PYROXD1: variants seen among roughly 807,000 people sequenced by gnomAD.
PYROXD1 encodes the protein tRNA ligase complex-associated NAD(P)H dehydrogenase PYROXD1.
A neutral mutation model predicts 62.0 loss-of-function variants in PYROXD1; 42 were observed. The observed-to-expected ratio is 0.68, with a 90% confidence interval of 0.53 to 0.88. The LOEUF is 0.88. Ranked by LOEUF, PYROXD1 falls within the 40% of genes least tolerant of loss-of-function variation. The probability of loss-of-function intolerance (pLI) is 0.00; values close to 1 mark genes in which losing one functional copy is unlikely to be tolerated. For synonymous variants in PYROXD1, 170 were observed against 206.4 expected (o/e 0.82, Z 1.51); for missense variants, 493 against 604.8 (o/e 0.82, Z 1.94).
Position 21,445,393 on chromosome 12 carries a change from C to T in PYROXD1, c.212C>T (p.Thr71Ile), listed in dbSNP as rs369201623. The change falls in exon 3 of 12, where the codon ACC (threonine) becomes ATC (isoleucine). Residue 71 changes from threonine to isoleucine, a missense_variant. Physicochemically the swap from Thr to Ile is moderately conservative, Grantham distance 89 (BLOSUM62 -1). Around this residue, in one of 2 missense-constraint regions of PYROXD1, gnomAD observed 164 missense variants for 158.2 expected, o/e 1.04. Coordinates refer to ENST00000240651, the MANE Select transcript of PYROXD1 (RefSeq NM_024854.5). ...EEFDVEEQSS[T>I]MLGKRFPNIK... ...TTCGATGTTGAAGAACAATCAAGTA[C>T]CATGTTAGGAAAACGCTTTCCCAAC... 8 of 1,609,758 alleles carry T rather than the reference C, an allele frequency of 5.0e-6. No homozygotes were observed. Among genetic ancestry groups the T allele is most frequent in the African/African-American group, 1.3e-5 (1 of 74,926 alleles).
chr12:21,446,487 G>A (rs758793906), intron 3 of PYROXD1, among the ~76,000 whole-genome samples: 3 of 150,472 alleles, frequency 2.0e-5, no homozygotes, highest in Non-Finnish European at 4.4e-5. Flanking sequence ...GATTTTAAGA[G>A]CTGGGGCATC....
chr12:21,453,916 A>G (rs1942548174), intron 5 of PYROXD1, among the ~76,000 whole-genome samples: 1 of 152,076 alleles, frequency 6.6e-6, no homozygotes. Flanking sequence ...GTAAATTGAA[A>G]TACAAACTTT....
chr12:21,457,680 C>A (rs1242900971), intron 7 of PYROXD1, among the ~76,000 whole-genome samples: 1 of 152,074 alleles, frequency 6.6e-6, no homozygotes, highest in African/African-American at 2.4e-5. Context: ...GCACTTCTTA[C>A]ATGGCCAGAG....
At chr12:21,438,103 T>C (rs1445299857) in intron 1 of PYROXD1, 3 of 394,612 alleles carry the variant, frequency 7.6e-6, no homozygotes, top group Non-Finnish European at 1.4e-5. Context: ...ATGAGGACTT[T>C]GTATTTAGAC....
intron 7 of PYROXD1, 131 bp downstream of exon 7, chr12:21,456,226 GA>G: frequency 1.7e-6 from 1 of 602,668 alleles, no homozygotes; most frequent in South Asian, 2.3e-5. Context: ...ATAGTGTTAG[GA>G]AAAGACCTCC....
chr12:21,456,984 G>A (rs1252957841), intron 7 of PYROXD1: 11 of 394,340 alleles, frequency 2.8e-5, no homozygotes, highest in Non-Finnish European at 4.0e-5. Context: ...CAGCAATGTA[G>A]TCTCATCTTC....
chr12:21,446,511 ATT>A (rs35292792), intron 3 of PYROXD1, among the ~76,000 whole-genome samples: 92 of 147,686 alleles, frequency 6.2e-4, no homozygotes, highest in Admixed American at 1.1e-3. Flanking sequence ...GATAAAATAG[ATT>A]TTTTTTTTTT....
chr12:21,463,086 G>A (rs1399523698), intron 10 of PYROXD1, among the ~76,000 whole-genome samples: 4 of 152,032 alleles, frequency 2.6e-5, no homozygotes, highest in African/African-American at 9.6e-5. Flanking sequence ...AAGAAATTAT[G>A]GGCTATTACT....
chr12:21,445,127 A>G (rs1174245563), intron 2 of PYROXD1, among the ~76,000 whole-genome samples: 2 of 152,218 alleles, frequency 1.3e-5, no homozygotes, highest in Non-Finnish European at 2.9e-5. Flanking sequence ...CCAGGAAACT[A>G]TGGCTTGTAG....
At chr12:21,451,425 T>C (rs1221965346) in intron 4 of PYROXD1, among the ~76,000 whole-genome samples, 4 of 151,982 alleles carry the variant, frequency 2.6e-5, no homozygotes, top group African/African-American at 9.7e-5. Flanking sequence ...TCAATGTATC[T>C]GTCTTAGAAT....
rs778591834 is a variant in PYROXD1 at position 21,440,442 on chromosome 12, C to G, written c.159C>G (p.Phe53Leu). 3.8e-6 allele frequency: 6 copies of G among 1,582,874 alleles called. No homozygotes were observed. In the East Asian group the frequency reaches 1.1e-4, roughly 30 times the overall value. The change falls in exon 2 of 12, where the codon TTC (phenylalanine) becomes TTG (leucine). Residue 53 changes from phenylalanine (F) to leucine (L), a missense_variant. Around this residue, in one of 2 missense-constraint regions of PYROXD1, gnomAD observed 164 missense variants for 158.2 expected, o/e 1.04. Transcript: ENST00000240651. The stretch of plus-strand genomic sequence containing the variant: ...CTGTTATTAAAGCAGTTACAAATTT[C>G]AAGCAGGTAAGAACCTTTGTATAAC... ...ASPVIKAVTNFKQISKILEEF... is the reference protein window; with the variant it reads ...ASPVIKAVTNLKQISKILEEF...
intron 1 of PYROXD1, among the ~76,000 whole-genome samples, chr12:21,438,913 G>A (rs2417981): frequency 0.49 from 74,750 of 151,902 alleles, 18,447 homozygotes; most frequent in Middle Eastern, 0.59. Context: ...CAGCCTGCTG[G>A]AAGAGACAAT....
intron 7 of PYROXD1, among the ~76,000 whole-genome samples, chr12:21,457,433 CTTT>C (rs202025872): frequency 7.3e-6 from 1 of 136,216 alleles, no homozygotes; most frequent in Middle Eastern, 3.7e-3. Flanking sequence ...TGAAATGAAT[CTTT>C]TTTTTTTTTT....
rs17849407 is a variant in PYROXD1, at chr12:21,470,295, C to T, written c.*1541C>T. 5.6e-6 allele frequency: 9 copies of T among 1,605,844 alleles called. No homozygotes were observed. Among genetic ancestry groups the T allele is most frequent in the Middle Eastern group, 1.7e-4 (1 of 6,022 alleles). Reference sequence around the variant, plus strand: ...TTCTGGAAGTTGCCTGAATTTTTTTCCTCCATCTTTTTATCACCTTGTTCA... The same window carrying T: ...TTCTGGAAGTTGCCTGAATTTTTTTTCTCCATCTTTTTATCACCTTGTTCA... On this transcript the variant is annotated 3_prime_UTR_variant, in exon 12 of 12. Coordinates refer to ENST00000240651, the MANE Select transcript of PYROXD1 (RefSeq NM_024854.5).
At chr12:21,440,541 T>A in intron 2 of PYROXD1, 93 bp downstream of exon 2, 1 of 713,874 alleles carries the variant, frequency 1.4e-6, no homozygotes, top group Non-Finnish European at 2.4e-6. Flanking sequence ...TTTTCTTTCT[T>A]AAAAATTGAC....
intron 4 of PYROXD1, among the ~76,000 whole-genome samples, chr12:21,451,492 C>T (rs1202002822): frequency 1.3e-5 from 2 of 151,872 alleles, no homozygotes; most frequent in Non-Finnish European, 2.9e-5. Flanking sequence ...CGTGCTACTC[C>T]TACCAGCTTT....
chr12:21,444,531 G>T (rs1037894819), intron 2 of PYROXD1, among the ~76,000 whole-genome samples: 1 of 152,180 alleles, frequency 6.6e-6, no homozygotes, highest in African/African-American at 2.4e-5. Context: ...GGAGAAAAAA[G>T]ATTACTGCTA....
rs74067174 is a variant in PYROXD1, at chr12:21,451,873, A to T, written c.415-208A>T. Among the ~76,000 whole-genome samples, 2,009 of 152,312 alleles carry T rather than the reference A, an allele frequency of 0.013. 33 individuals are homozygous for T. Among genetic ancestry groups the T allele is most frequent in the African/African-American group, 0.042 (1,738 of 41,572 alleles). On this transcript the variant is annotated intron_variant, in intron 4 of 11. Transcript: ENST00000240651. ...GGAAAATCAGGAGAGGCATTGCTATAAAGGCAGCTTGGGATAAAGCATAAA... is the reference window on the plus strand; with the variant it reads ...GGAAAATCAGGAGAGGCATTGCTATTAAGGCAGCTTGGGATAAAGCATAAA...
chr12:21,449,226 G>A (rs183668519), intron 3 of PYROXD1, among the ~76,000 whole-genome samples: 1 of 152,240 alleles, frequency 6.6e-6, no homozygotes, highest in East Asian at 1.9e-4. Flanking sequence ...TGTTTTTAAC[G>A]TGGGGTCAAC....
Sources: gnomAD v4.1 joint callset for allele counts (sites outside exome capture counted in the v4.1 genomes callset) on GRCh38, gnomAD v4.1.1 for gene constraint, gnomAD v4.1.1 regional missense constraint, MANE v1.5 for transcripts, NCBI Gene and HGNC (gene_info 2026-07-23, HGNC 2026-07-21) for gene names.